Variants in NEBL observed in about 807,000 individuals in gnomAD.
The protein encoded by NEBL is nebulette.
Under a neutral mutation model 140.2 loss-of-function variants are expected in NEBL, and 122 were observed. That is an observed-to-expected ratio of 0.87 (90% confidence interval 0.75 to 1.01). NEBL has a LOEUF of 1.01. Among genes scored for constraint, NEBL ranks in the 50% least tolerant of loss-of-function variants. NEBL has a pLI of 0.00. For missense variants in NEBL, 1,365 were observed against 1,231.3 expected, an observed-to-expected ratio of 1.11 and a Z score of -1.62; for synonymous variants, 436 against 398.9, an observed-to-expected ratio of 1.09 and a Z score of -1.11.
At position 20,897,126 on chromosome 10, in the gene NEBL, T is replaced by G. The variant is rs777316161; in HGVS notation, c.80A>C (p.Gln27Pro). 1 of 1,596,032 alleles carries G rather than the reference T, an allele frequency of 6.3e-7. No individual in the cohort carries two copies. The highest frequency in any genetic ancestry group is 1.7e-5 in the Admixed American group (1 of 60,014). ...CTGAGTATGTGTTTTCTCACTCACCTGGTCTTCTTCATTTTCTTCTTCCCC... is the reference window on the plus strand; with the variant it reads ...CTGAGTATGTGTTTTCTCACTCACCGGGTCTTCTTCATTTTCTTCTTCCCC... The part of the protein sequence containing the change: ...KIGEEENEED[Q>P]VFYKPVIEDL... Residue 27 changes from glutamine (Q) to proline (P), a missense_variant and splice_region_variant, in exon 1 of 28, where the codon CAG becomes CCG. Coordinates refer to ENST00000377122, the MANE Select transcript of NEBL (RefSeq NM_006393.3).
chr10:20,999,124 A>G (rs1473554514), intron 3 of NEBL, among the ~76,000 whole-genome samples: 3 of 151,930 alleles, frequency 2.0e-5, no homozygotes, highest in Admixed American at 6.6e-5. Context: ...GGCTTTTACC[A>G]TACAAAAACT....
At position 20,828,765 on chromosome 10, in the gene NEBL, C is replaced by CAG. The variant is rs10631047; in HGVS notation, c.1672-133_1672-132dup. The CAG allele has an allele frequency of 0.23, 136,772 of 588,788 alleles. 6,162 individuals carry two copies. The highest frequency in any genetic ancestry group is 0.31 in the East Asian group (9,976 of 32,642). The allele number at this position is 588,788 out of a possible 1,614,324, so 36.5% of individuals were successfully genotyped here. On this transcript the variant is annotated intron_variant, in intron 16 of 27. Coordinates refer to ENST00000377122, the MANE Select transcript of NEBL (RefSeq NM_006393.3). ...AACTGTTTTTACTGACTTACACTCC[C>CAG]AGAGAGAGAGAGAGAGAGGTGGAGA...
At chr10:21,172,539 A>C (rs1841126435) in intron 1 of NEBL, 1 of 1,309,758 alleles carries the variant, frequency 7.6e-7, no homozygotes, top group South Asian at 1.2e-5. Flanking sequence ...CAGGATGGGC[A>C]CAGAAGGAAG....
At chr10:21,012,400 C>T (rs903000032) in intron 3 of NEBL, among the ~76,000 whole-genome samples, 11 of 152,126 alleles carry the variant, frequency 7.2e-5, no homozygotes, top group Non-Finnish European at 1.3e-4. Context: ...CACTCTGTCA[C>T]CCAGGCTGGA....
intron 2 of NEBL, among the ~76,000 whole-genome samples, chr10:21,032,683 T>A (rs1383092580): frequency 6.6e-6 from 1 of 152,160 alleles, no homozygotes; most frequent in Non-Finnish European, 1.5e-5. Context: ...AAATGGATTA[T>A]GATAATGTAG....
chr10:21,050,068 G>A (rs1200130431), intron 2 of NEBL, among the ~76,000 whole-genome samples: 4 of 152,076 alleles, frequency 2.6e-5, no homozygotes, highest in Non-Finnish European at 5.9e-5. Context: ...TAATATCTAA[G>A]GTCCTTTTCA....
intron 2 of NEBL, among the ~76,000 whole-genome samples, chr10:21,135,103 C>G (rs1229665638): frequency 6.6e-6 from 1 of 152,218 alleles, no homozygotes; most frequent in Non-Finnish European, 1.5e-5. Flanking sequence ...TTAGTTCAAA[C>G]AGAGCTTTGT....
At chr10:21,170,597 T>C (rs932287156) in intron 2 of NEBL, 1 of 152,496 alleles carries the variant, frequency 6.6e-6, no homozygotes, top group African/African-American at 2.4e-5. Context: ...GGAAGCACGG[T>C]GTAGGAGGAT....
chr10:20,826,818 C>A (rs1238375638), intron 17 of NEBL, among the ~76,000 whole-genome samples: 3 of 152,132 alleles, frequency 2.0e-5, no homozygotes, highest in Non-Finnish European at 4.4e-5. Flanking sequence ...TACACATTGG[C>A]AAACCAGAGT....
chr10:21,071,874 A>C (rs1835832149), intron 2 of NEBL, among the ~76,000 whole-genome samples: 1 of 152,086 alleles, frequency 6.6e-6, no homozygotes, highest in African/African-American at 2.4e-5. Flanking sequence ...GCTGGAGTGC[A>C]GTGGTGCAAT....
intron 4 of NEBL, among the ~76,000 whole-genome samples, chr10:20,881,716 C>A (rs1215449422): frequency 2.6e-5 from 4 of 151,978 alleles, no homozygotes; most frequent in Non-Finnish European, 5.9e-5. Context: ...ATCCTCAGAA[C>A]CCAGAATAGT....
intron 26 of NEBL, among the ~76,000 whole-genome samples, chr10:20,792,693 G>A (rs1489943092): frequency 2.0e-5 from 3 of 152,050 alleles, no homozygotes; most frequent in Admixed American, 1.3e-4. Flanking sequence ...CCAGCTACTT[G>A]GGAGGCTGAG....
At chr10:21,228,439 C>T (rs1842201771) in intron 3 of NEBL, among the ~76,000 whole-genome samples, 1 of 152,160 alleles carries the variant, frequency 6.6e-6, no homozygotes, top group African/African-American at 2.4e-5. Flanking sequence ...CAGGCATGAG[C>T]AACTGTGCCT....
At chr10:20,826,932 A>T (rs1414994817) in intron 17 of NEBL, among the ~76,000 whole-genome samples, 5 of 152,212 alleles carry the variant, frequency 3.3e-5, no homozygotes, top group Non-Finnish European at 5.9e-5. Flanking sequence ...AGAAAATGAC[A>T]TTTTAGGCAA....
intron 26 of NEBL, among the ~76,000 whole-genome samples, chr10:20,792,105 A>G (rs1333941375): frequency 6.7e-6 from 1 of 148,484 alleles, no homozygotes; most frequent in African/African-American, 2.5e-5. Flanking sequence ...GATACAGTCG[A>G]TGGCCAAATT....
chr10:21,156,632 A>T (rs144848590), intron 2 of NEBL, among the ~76,000 whole-genome samples: 1 of 152,250 alleles, frequency 6.6e-6, no homozygotes, highest in East Asian at 1.9e-4. Flanking sequence ...ACTTATATAT[A>T]AAAAATGGCA....
chr10:20,919,249 G>T (rs1183515464), intron 4 of NEBL, among the ~76,000 whole-genome samples: 1 of 152,128 alleles, frequency 6.6e-6, no homozygotes, highest in East Asian at 1.9e-4. Flanking sequence ...ATTATGCAAC[G>T]TACTGGTTGA....
intron 1 of NEBL, among the ~76,000 whole-genome samples, chr10:21,287,614 A>G (rs1286992991): frequency 2.0e-5 from 3 of 152,188 alleles, no homozygotes; most frequent in African/African-American, 7.2e-5. Context: ...TTAAAATTAT[A>G]ATGGGAGACC....
rs574395643 is a variant in NEBL at position 20,908,870 on chromosome 10, G to A, written c.357+52802C>T. Among the ~76,000 whole-genome samples the A allele has an allele frequency of 3.3e-5, 5 of 152,230 alleles. No individual in the cohort carries two copies. The East Asian group carries it at 9.6e-4, about 29-fold the overall frequency. ...TCAAGGTATACAGTTATGCCCTGCT[G>A]CTATTCTGTTCCTTACCTGTATGTT... On this transcript the variant is annotated intron_variant, in intron 4 of 6. Coordinates refer to the NEBL transcript ENST00000417816.
Sources: allele counts gnomAD v4.1 joint callset (sites outside exome capture counted in the v4.1 genomes callset), GRCh38; gene constraint gnomAD v4.1.1; transcripts MANE v1.5; gene names NCBI Gene and HGNC (gene_info 2026-07-23, HGNC 2026-07-21).